SSR1: variants seen among roughly 807,000 people sequenced by gnomAD.
The protein encoded by SSR1 is signal sequence receptor subunit 1.
A neutral mutation model predicts 36.1 loss-of-function variants in SSR1; 13 were observed. The observed-to-expected ratio is 0.36, with a 90% confidence interval of 0.23 to 0.57. The LOEUF (loss-of-function observed/expected upper bound fraction) is 0.57, where lower values mean the gene tolerates loss of function less well. Ranked by LOEUF, SSR1 falls within the 20% of genes least tolerant of loss-of-function variation. The pLI is 0.81. For missense variants in SSR1, 291 were observed against 338.5 expected, an observed-to-expected ratio of 0.86 and a Z score of 1.10; for synonymous variants, 113 against 118.9, an observed-to-expected ratio of 0.95 and a Z score of 0.32.
chr6:7,291,824 C>G (rs1046788120), intron 7 of SSR1, among the ~76,000 whole-genome samples: 2 of 151,958 alleles, frequency 1.3e-5, no homozygotes, highest in African/African-American at 4.8e-5. Context: ...ATAATCCCAG[C>G]ACTTTGGGCG....
chr6:7,306,933 G>A (rs1315482968), intron 2 of SSR1, among the ~76,000 whole-genome samples: 1 of 143,322 alleles, frequency 7.0e-6, no homozygotes, highest in Non-Finnish European at 1.5e-5. Context: ...GGGGGGGTGG[G>A]GGAAAGCCCA....
Position 7,289,635 on chromosome 6 carries a change from C to T in SSR1, c.*229G>A, listed in dbSNP as rs531501817. The T allele has an allele frequency of 7.4e-5, 39 of 524,638 alleles. No individual in the cohort carries two copies. Among genetic ancestry groups the T allele is most frequent in the Middle Eastern group, 4.3e-4 (1 of 2,350 alleles). 32.5% of individuals were successfully genotyped at this position (524,638 alleles called of 1,614,324 possible). A position where few individuals can be genotyped will look rare whatever the true frequency, so the allele number is the denominator to read the frequency against. On this transcript the variant is annotated 3_prime_UTR_variant, in exon 8 of 8. Coordinates refer to ENST00000244763, the MANE Select transcript of SSR1 (RefSeq NM_003144.5). ...GACCAACTGCTCACATACATACACA[C>T]GCACACACATAGATTTTAATGGTTT...
Position 7,297,887 on chromosome 6 carries a change from G to T in SSR1, c.699+36C>A, listed in dbSNP as rs759092174. ...CTTAACTTAGTACTTAACAACTTTT[G>T]AAACACGGCTGTAAGAGGTGTTCAT... On this transcript the variant is annotated intron_variant, in intron 6 of 7. Coordinates refer to ENST00000244763, the MANE Select transcript of SSR1 (RefSeq NM_003144.5). 2.7e-5 allele frequency: 43 copies of T among 1,567,348 alleles called. No individual in the cohort carries two copies. The South Asian group carries it at 4.8e-4, about 18-fold the overall frequency.
At chr6:7,309,800 T>C in intron 2 of SSR1, 117 bp downstream of exon 2, 1 of 878,126 alleles carries the variant, frequency 1.1e-6, no homozygotes, top group Non-Finnish European at 1.8e-6. Flanking sequence ...TGTGGGTCAA[T>C]GAAACCTTTT....
At position 7,313,187 on chromosome 6, in the gene SSR1, T is replaced by C. The variant is rs1219350560; in HGVS notation, c.-67A>G. The C allele has an allele frequency of 1.1e-5, 16 of 1,444,980 alleles. No homozygotes were observed. Among genetic ancestry groups the C allele is most frequent in the Non-Finnish European group, 1.5e-5 (16 of 1,064,650 alleles). The allele number at this position is 1,444,980 out of a possible 1,614,324, so 89.5% of individuals were successfully genotyped here. ...CTCGGCGGCTCCGGCGGTAATGGCGTTACTCTTCATCCGGGCTCCGGGCAG... is the reference window on the plus strand; with the variant it reads ...CTCGGCGGCTCCGGCGGTAATGGCGCTACTCTTCATCCGGGCTCCGGGCAG... On this transcript the variant is annotated 5_prime_UTR_variant, in exon 1 of 8. Transcript: ENST00000244763.
rs575333842 is a variant in SSR1 at position 7,284,709 on chromosome 6, C to A, written c.*5155G>T. 6.8e-6 allele frequency: 1 copy of A among 146,828 alleles called. No homozygotes were observed. The highest frequency in any genetic ancestry group is 1.5e-5 in the Non-Finnish European group (1 of 67,098). The allele number at this position is 146,828 out of a possible 1,614,324, so 9.1% of individuals were successfully genotyped here. A position where few individuals can be genotyped will look rare whatever the true frequency, so the allele number is the denominator to read the frequency against. ...TCAAACCCAGGCAGCCTGACATGAG[C>A]GTTTCCTTTTTTTTTTTTTCTCTTT... On this transcript the variant is annotated 3_prime_UTR_variant, in exon 8 of 8. Transcript: ENST00000244763.
intron 2 of SSR1, among the ~76,000 whole-genome samples, chr6:7,306,781 T>TGGCG (rs1353651001): frequency 6.6e-6 from 1 of 151,724 alleles, no homozygotes; most frequent in Admixed American, 6.6e-5. Flanking sequence ...CCGGGTGTGG[T>TGGCG]GGCGGGCGCC....
chr6:7,312,244 G>C (rs754177966), intron 1 of SSR1, among the ~76,000 whole-genome samples: 2 of 152,166 alleles, frequency 1.3e-5, no homozygotes, highest in Non-Finnish European at 2.9e-5. Context: ...TTAATTGCTG[G>C]GTTAATTGTT....
chr6:7,301,770 C>T (rs1190157968), intron 3 of SSR1, among the ~76,000 whole-genome samples, 198 bp from the exon 4 acceptor site: 2 of 152,150 alleles, frequency 1.3e-5, no homozygotes, highest in East Asian at 1.9e-4. Context: ...TTTGTCTGTA[C>T]GCTAGCACTC....
In SSR1 at chr6:7,313,075, G is replaced by A. The variant is rs992623087; in HGVS notation, c.46C>T (p.Pro16Ser). Residue 16 changes from proline to serine, a missense_variant, in exon 1 of 8, where the codon CCT becomes TCT. Transcript: ENST00000244763. The part of the protein sequence containing the change: ...RLLLLLLLVF[P>S]ATVLFRGGPR... ...CCGCCTCGGAACAAGACAGTGGCAG[G>A]GAACACGAGTAAGAGAAGCAGCAGC... 3.7e-6 allele frequency: 6 copies of A among 1,608,778 alleles called. No individual in the cohort carries two copies. The highest frequency in any genetic ancestry group is 5.1e-6 in the Non-Finnish European group (6 of 1,177,526).
chr6:7,300,217 C>G (rs1038369629), intron 4 of SSR1, among the ~76,000 whole-genome samples: 3 of 152,096 alleles, frequency 2.0e-5, no homozygotes, highest in Admixed American at 1.3e-4. Flanking sequence ...AGAAATTTAA[C>G]TCAGACACAA....
At chr6:7,297,899 T>C (rs779162444) in intron 6 of SSR1, 24 bp downstream of exon 6, 1 of 1,595,034 alleles carries the variant, frequency 6.3e-7, no homozygotes, top group South Asian at 1.1e-5. Context: ...AACACGGCTG[T>C]AAGAGGTGTT....
intron 7 of SSR1, among the ~76,000 whole-genome samples, chr6:7,290,826 G>A (rs1757664855): frequency 6.6e-6 from 1 of 151,912 alleles, no homozygotes; most frequent in Admixed American, 6.6e-5. Context: ...AAAAAAATCT[G>A]TTCAAAAGAT....
intron 1 of SSR1, among the ~76,000 whole-genome samples, chr6:7,312,253 T>A (rs1295737553): frequency 6.6e-6 from 1 of 152,218 alleles, no homozygotes; most frequent in African/African-American, 2.4e-5. Flanking sequence ...GGGTTAATTG[T>A]TGAAAGAATA....
intron 7 of SSR1, among the ~76,000 whole-genome samples, chr6:7,293,796 G>A (rs954523759): frequency 6.6e-6 from 1 of 152,154 alleles, no homozygotes; most frequent in Non-Finnish European, 1.5e-5. Context: ...GAAAAAATCT[G>A]TATATAAAGT....
Position 7,298,762 on chromosome 6 carries a change from C to G in SSR1, c.605G>C (p.Gly202Ala). 6.2e-7 allele frequency: 1 copy of G among 1,613,036 alleles called. No individual in the cohort carries two copies. Among genetic ancestry groups the G allele is most frequent in the Non-Finnish European group, 8.5e-7 (1 of 1,179,414 alleles). The change falls in exon 5 of 8, where the codon GGG (glycine) becomes GCG (alanine). Residue 202 changes from glycine to alanine, a missense_variant. Gly to Ala is a moderately conservative substitution (Grantham distance 60). Transcript: ENST00000244763. Reference sequence around the variant, plus strand: ...TTTCACTTACGTTTCTCCATCTAACCCATCCTCTCTTTCAATAACTGTAAC... The same window carrying G: ...TTTCACTTACGTTTCTCCATCTAACGCATCCTCTCTTTCAATAACTGTAAC... ...QTVTVIERED[G>A]LDGETIFMYM...
rs1757609153 is a variant in SSR1 at position 7,288,637 on chromosome 6, C to G, written c.*1227G>C. The G allele has an allele frequency of 2.0e-5, 3 of 152,570 alleles. No individual in the cohort carries two copies. The South Asian group carries it at 6.2e-4, about 32-fold the overall frequency. 9.5% of individuals were successfully genotyped at this position (152,570 alleles called of 1,614,324 possible). A position where few individuals can be genotyped will look rare whatever the true frequency, so the allele number is the denominator to read the frequency against. ...CATGTAGGAGAATATGGCTTAAAGA[C>G]AAGAGGGGGAGAGCCTCTTAATTGT... is the stretch of plus-strand genomic sequence containing the variant. On this transcript the variant is annotated 3_prime_UTR_variant, in exon 8 of 8. Transcript: ENST00000244763.
chr6:7,305,898 C>T (rs1413643168), intron 2 of SSR1, among the ~76,000 whole-genome samples: 1 of 152,166 alleles, frequency 6.6e-6, no homozygotes, highest in Non-Finnish European at 1.5e-5. Flanking sequence ...ACTCATTTAT[C>T]TTACAGCTAT....
chr6:7,306,337 G>T (rs933449478), intron 2 of SSR1, among the ~76,000 whole-genome samples: 1 of 151,890 alleles, frequency 6.6e-6, no homozygotes, highest in African/African-American at 2.4e-5. Context: ...TAGAGACAGG[G>T]TTTCACCATG....
Sources: allele counts gnomAD v4.1 joint callset (sites outside exome capture counted in the v4.1 genomes callset), GRCh38; gene constraint gnomAD v4.1.1; transcripts MANE v1.5; gene names NCBI Gene and HGNC (gene_info 2026-07-23, HGNC 2026-07-21).